The following RBFOX1 variants were observed in gnomAD, a reference collection of about 807,000 sequenced individuals.
RBFOX1 encodes RNA binding fox-1 homolog 1.
Under a neutral mutation model 57.7 loss-of-function variants are expected in RBFOX1, and 8 were observed. The observed-to-expected ratio is 0.14, with a 90% CI of 0.08 to 0.25. RBFOX1 has a LOEUF of 0.25. RBFOX1 is among the 10% of genes least tolerant of loss of function. RBFOX1 has a pLI of 1.00. For missense variants in RBFOX1, 611 were observed against 548.5 expected (o/e 1.11, Z -1.14); for synonymous variants, 326 against 222.4 (o/e 1.47, Z -4.15).
intron 4 of RBFOX1, among the ~76,000 whole-genome samples, chr16:7,139,150 A>T (rs2072887802): frequency 8.3e-6 from 1 of 120,582 alleles, no homozygotes; most frequent in Non-Finnish European, 1.8e-5. Context: ...CATCTCTTTT[A>T]TAATGCAGAT....
At chr16:7,003,897 G>A (rs2093060740) in intron 3 of RBFOX1, 1 of 151,948 alleles carries the variant, frequency 6.6e-6, no homozygotes, top group African/African-American at 2.4e-5. Flanking sequence ...GCTTTCAGTG[G>A]GTCAATGAAA....
intron 3 of RBFOX1, among the ~76,000 whole-genome samples, chr16:6,840,199 A>G (rs975506690): frequency 3.3e-5 from 5 of 152,184 alleles, no homozygotes; most frequent in Non-Finnish European, 7.3e-5. Flanking sequence ...AAATCACTGG[A>G]AATTCTAGAC....
At chr16:7,302,200 G>T (rs1457509448) in intron 4 of RBFOX1, among the ~76,000 whole-genome samples, 1 of 152,168 alleles carries the variant, frequency 6.6e-6, no homozygotes, top group Admixed American at 6.5e-5. Context: ...GGAGGCACTG[G>T]TTTTGCAAGA....
At chr16:6,605,747 G>A (rs2097916796) in intron 2 of RBFOX1, among the ~76,000 whole-genome samples, 1 of 152,174 alleles carries the variant, frequency 6.6e-6, no homozygotes, top group Non-Finnish European at 1.5e-5. Context: ...GTGTGTTCGT[G>A]GAGGTTGCAT....
intron 10 of RBFOX1, among the ~76,000 whole-genome samples, chr16:7,622,563 A>T (rs563987738): frequency 6.6e-6 from 1 of 152,310 alleles, no homozygotes; most frequent in East Asian, 1.9e-4. Flanking sequence ...GACTTTTCCA[A>T]AAAGTCTCAA....
chr16:7,640,868 C>G (rs910308620), intron 11 of RBFOX1, among the ~76,000 whole-genome samples: 4 of 148,648 alleles, frequency 2.7e-5, no homozygotes, highest in African/African-American at 1.0e-4. Flanking sequence ...CTTATCTGCC[C>G]TTTATTTGCT....
intron 2 of RBFOX1, among the ~76,000 whole-genome samples, chr16:6,350,202 TAA>T: frequency 2.0e-5 from 3 of 151,996 alleles, no homozygotes; most frequent in Admixed American, 2.0e-4. Context: ...TTTAGGAGGC[TAA>T]GGCGGGCAGA....
chr16:5,882,203 CTT>C (rs1567665544), intron 4 of RBFOX1, among the ~76,000 whole-genome samples: 1 of 151,982 alleles, frequency 6.6e-6, no homozygotes, highest in African/African-American at 2.4e-5. Flanking sequence ...TTGTTTTCCA[CTT>C]TGTTTACCGT....
intron 1 of RBFOX1, among the ~76,000 whole-genome samples, chr16:5,365,188 G>A (rs867530895): frequency 2.0e-5 from 3 of 152,194 alleles, no homozygotes; most frequent in South Asian, 2.1e-4. Context: ...GTGGAGGTCC[G>A]CCTGTTCCCA....
intron 3 of RBFOX1, among the ~76,000 whole-genome samples, chr16:6,710,165 G>T (rs1364058901): frequency 1.3e-5 from 2 of 152,130 alleles, no homozygotes; most frequent in South Asian, 2.1e-4. Context: ...TGTGTCTCTA[G>T]AACTGTAGTT....
At chr16:6,565,229 C>A (rs966234543) in intron 2 of RBFOX1, among the ~76,000 whole-genome samples, 2 of 150,798 alleles carry the variant, frequency 1.3e-5, no homozygotes, top group African/African-American at 4.8e-5. Context: ...GCCATAGGCC[C>A]CCAAATGTGA....
intron 4 of RBFOX1, among the ~76,000 whole-genome samples, chr16:7,250,327 A>G (rs2094459227): frequency 6.6e-6 from 1 of 152,214 alleles, no homozygotes. Flanking sequence ...GGATGCTTAT[A>G]TTAATTGTTT....
intron 2 of RBFOX1, among the ~76,000 whole-genome samples, chr16:6,567,927 C>G (rs1374736499): frequency 6.6e-6 from 1 of 152,112 alleles, no homozygotes; most frequent in Non-Finnish European, 1.5e-5. Context: ...CTCAAGCAAT[C>G]TTCCCACCTC....
chr16:6,252,535 C>G (rs1192079061), intron 1 of RBFOX1, among the ~76,000 whole-genome samples: 1 of 152,126 alleles, frequency 6.6e-6, no homozygotes, highest in East Asian at 1.9e-4. Flanking sequence ...CGAAGGAATT[C>G]CAAAAGCCCC....
At position 6,558,859 on chromosome 16, in the gene RBFOX1, T is replaced by C. The variant is rs2097140871; in HGVS notation, c.-63-95744T>C. Among the ~76,000 whole-genome samples the C allele has an allele frequency of 3.0e-5, 4 of 135,116 alleles. No homozygotes were observed. The South Asian group carries it at 1.0e-3, about 35-fold the overall frequency. The allele number at this position is 135,116 out of a possible 152,430, so 88.6% of individuals were successfully genotyped here. On this transcript the variant is annotated intron_variant, in intron 2 of 15. Coordinates refer to ENST00000550418, the MANE Select transcript of RBFOX1 (RefSeq NM_018723.4). ...TTTTACTTCCCCAAACATACCCAGC[T>C]CCTCCTGAGTGGGACGTTGTGAGCA...
intron 3 of RBFOX1, among the ~76,000 whole-genome samples, chr16:5,774,065 A>G (rs1322301511): frequency 6.6e-6 from 1 of 152,140 alleles, no homozygotes; most frequent in Non-Finnish European, 1.5e-5. Flanking sequence ...ATTCCCACCA[A>G]CAATGTGATG....
intron 2 of RBFOX1, among the ~76,000 whole-genome samples, chr16:6,617,764 G>C (rs2098164952): frequency 6.6e-6 from 1 of 152,160 alleles, no homozygotes; most frequent in Admixed American, 6.5e-5. Context: ...AGGAAATATG[G>C]CAAGACAGTA....
chr16:7,476,162 G>A (rs1284601548), intron 4 of RBFOX1, among the ~76,000 whole-genome samples: 1 of 151,976 alleles, frequency 6.6e-6, no homozygotes, highest in Admixed American at 6.6e-5. Flanking sequence ...TACTAGAGAT[G>A]CTGTTTTGCC....
At chr16:6,455,612 G>A (rs1361704724) in intron 2 of RBFOX1, among the ~76,000 whole-genome samples, 1 of 152,136 alleles carries the variant, frequency 6.6e-6, no homozygotes, top group African/African-American at 2.4e-5. Flanking sequence ...GTGCTGAAAG[G>A]CCTTCTTGTC....
Sources: allele counts gnomAD v4.1 joint callset (sites outside exome capture counted in the v4.1 genomes callset), GRCh38; gene constraint gnomAD v4.1.1; transcripts MANE v1.5; gene names NCBI Gene and HGNC (gene_info 2026-07-23, HGNC 2026-07-21).